PRKCB: variants seen among roughly 807,000 people sequenced by gnomAD.
PRKCB encodes the protein protein kinase C beta, also known as protein kinase C beta type.
In PRKCB, 13 loss-of-function variants were observed where a neutral mutation model predicts 81.5. The ratio of observed to expected loss-of-function variants is 0.16; its 90% CI spans 0.10 to 0.25. The LOEUF (loss-of-function observed/expected upper bound fraction) is 0.25. Ranked by LOEUF, PRKCB falls within the 10% of genes least tolerant of loss-of-function variation. PRKCB has a pLI of 1.00. For synonymous variants in PRKCB, 335 were observed against 321.4 expected (o/e 1.04, Z -0.45); for missense variants, 509 against 875.7 (o/e 0.58, Z 5.29).
At chr16:24,153,034 C>T (rs1194496160) in intron 9 of PRKCB, among the ~76,000 whole-genome samples, 2 of 152,158 alleles carry the variant, frequency 1.3e-5, no homozygotes, top group African/African-American at 4.8e-5. Flanking sequence ...GCAAGCTCAG[C>T]TCGGAAGCTT....
At chr16:24,141,883 T>A (rs1314030036) in intron 9 of PRKCB, among the ~76,000 whole-genome samples, 2 of 152,224 alleles carry the variant, frequency 1.3e-5, no homozygotes, top group Non-Finnish European at 2.9e-5. Context: ...CATTGGTCGA[T>A]TGCTCTGATT....
chr16:24,219,956 G>C lies in PRKCB; in HGVS notation c.*5140G>C, dbSNP rs1290052640. The C allele has an allele frequency of 6.2e-7, 1 of 1,613,592 alleles. No homozygotes were observed. The highest frequency in any genetic ancestry group is 8.5e-7 in the Non-Finnish European group (1 of 1,179,898). ...GTGTTAATGTGTTTACTTTCCATTT[G>C]GCAGAGAGACAAGAGAGACACCTCC... is the stretch of plus-strand genomic sequence containing the variant. On this transcript the variant is annotated 3_prime_UTR_variant, in exon 17 of 17. Transcript: ENST00000643927.
chr16:24,115,704 T>G lies in PRKCB; in HGVS notation c.918+2635T>G, dbSNP rs1442810063. Among the ~76,000 whole-genome samples the G allele has an allele frequency of 2.6e-5, 4 of 152,078 alleles. No individual in the cohort carries two copies. The East Asian group carries it at 7.7e-4, about 29-fold the overall frequency. ...TCCCAAGAGCATTTACCCAAGAGCA[T>G]TTATCCCAAGGATTTTGTTTTGTTT... On this transcript the variant is annotated intron_variant, in intron 8 of 16. Coordinates refer to ENST00000643927, the MANE Select transcript of PRKCB (RefSeq NM_002738.7).
At chr16:23,924,297 A>G (rs1205744270) in intron 2 of PRKCB, among the ~76,000 whole-genome samples, 1 of 152,032 alleles carries the variant, frequency 6.6e-6, no homozygotes, top group Non-Finnish European at 1.5e-5. Flanking sequence ...AGGCCTCCCC[A>G]ACCATGCGGA....
At chr16:24,105,544 C>G (rs1226056836) in intron 7 of PRKCB, among the ~76,000 whole-genome samples, 3 of 152,122 alleles carry the variant, frequency 2.0e-5, no homozygotes, top group East Asian at 1.9e-4. Context: ...CCCCTCACCC[C>G]CTAACAGGCC....
chr16:24,136,122 A>G (rs1966864020), intron 9 of PRKCB, among the ~76,000 whole-genome samples: 1 of 139,462 alleles, frequency 7.2e-6, no homozygotes, highest in East Asian at 2.1e-4. Flanking sequence ...TTGCCAACTC[A>G]TCTTCCCAGA....
intron 2 of PRKCB, among the ~76,000 whole-genome samples, chr16:23,980,094 T>C (rs951355153): frequency 6.6e-6 from 1 of 152,138 alleles, no homozygotes; most frequent in African/African-American, 2.4e-5. Context: ...CTATAAAAGA[T>C]ATAATGAGAA....
chr16:24,112,611 T>C (rs934321988), intron 7 of PRKCB, among the ~76,000 whole-genome samples: 1 of 152,154 alleles, frequency 6.6e-6, no homozygotes, highest in Non-Finnish European at 1.5e-5. Flanking sequence ...TCTTTCAGAA[T>C]AAGAAACTAC....
At chr16:24,182,496 G>C (rs989365964) in intron 13 of PRKCB, among the ~76,000 whole-genome samples, 1 of 152,074 alleles carries the variant, frequency 6.6e-6, no homozygotes, top group Non-Finnish European at 1.5e-5. Flanking sequence ...ACCCCACCCT[G>C]GGCGACTGAG....
chr16:24,050,026 C>G (rs1402580448), intron 5 of PRKCB, among the ~76,000 whole-genome samples: 1 of 152,060 alleles, frequency 6.6e-6, no homozygotes, highest in Non-Finnish European at 1.5e-5. Context: ...GTAGGGGATC[C>G]AAGAAGCCAA....
At chr16:24,212,559 C>G (rs1968160379) in intron 16 of PRKCB, among the ~76,000 whole-genome samples, 1 of 149,334 alleles carries the variant, frequency 6.7e-6, no homozygotes, top group African/African-American at 2.5e-5. Context: ...TCACTGCAAC[C>G]TCTACCTCGC....
intron 2 of PRKCB, among the ~76,000 whole-genome samples, chr16:23,956,979 T>TAAAAAAAA (rs10714409): frequency 3.7e-4 from 17 of 45,976 alleles, no homozygotes; most frequent in African/African-American, 1.3e-3. Flanking sequence ...CTATAGGCAG[T>TAAAAAAAA]AAAAAAAAAA....
rs561415626 is a variant in PRKCB at position 23,964,713 on chromosome 16, G to C, written c.206-23795G>C. Among the ~76,000 whole-genome samples, 53 of 148,318 alleles carry C rather than the reference G, an allele frequency of 3.6e-4. 1 individual carries two copies. In the East Asian group the frequency reaches 7.3e-3, roughly 20 times the overall value. On this transcript the variant is annotated intron_variant, in intron 2 of 16. Transcript: ENST00000643927. ...TTTGGCAGTCTTGCTCTGTCTCCCA[G>C]GCTGGACTGCAGTGTCGCGATCTCA...
chr16:23,915,002 C>A lies in PRKCB; in HGVS notation c.206-73506C>A, dbSNP rs142345967. Among the ~76,000 whole-genome samples, 143 of 152,306 alleles carry A rather than the reference C, an allele frequency of 9.4e-4. 3 individuals are homozygous for A. In the Middle Eastern group the frequency reaches 0.01, roughly 11 times the overall value. On this transcript the variant is annotated intron_variant, in intron 2 of 16. Transcript: ENST00000643927. ...AACAAGATGGATGGGGGCTGTGAAG[C>A]CCCTCTGGGCAGCCTTTTCTGGCTG...
chr16:24,088,911 C>A (rs994737004), intron 5 of PRKCB, among the ~76,000 whole-genome samples: 5 of 151,994 alleles, frequency 3.3e-5, no homozygotes, highest in Admixed American at 2.0e-4. Context: ...GGGGGAGTGG[C>A]CTTGCCAGGG....
intron 1 of PRKCB, among the ~76,000 whole-genome samples, chr16:23,836,922 A>G (rs1962172196): frequency 6.6e-6 from 1 of 150,652 alleles, no homozygotes; most frequent in Non-Finnish European, 1.5e-5. Flanking sequence ...CGGTCACATC[A>G]CTGCGGGCCC....
intron 9 of PRKCB, 61 bp from the exon 10 acceptor site, chr16:24,154,623 T>C (rs1967127977): frequency 2.6e-6 from 4 of 1,541,420 alleles, no homozygotes; most frequent in African/African-American, 2.7e-5. Flanking sequence ...GAACACCAGC[T>C]GCTCATAACT....
At chr16:24,029,239 G>T (rs1011494374) in intron 3 of PRKCB, among the ~76,000 whole-genome samples, 4 of 152,212 alleles carry the variant, frequency 2.6e-5, no homozygotes, top group African/African-American at 9.6e-5. Flanking sequence ...GTTAGGCTTT[G>T]TGTCCCCACC....
At chr16:23,872,837 T>C (rs550521188) in intron 2 of PRKCB, among the ~76,000 whole-genome samples, 67 of 151,876 alleles carry the variant, frequency 4.4e-4, no homozygotes, top group Non-Finnish European at 7.6e-4. Context: ...CATGTGTGAT[T>C]GAAGAGCAGG....
Sources: gnomAD v4.1 joint callset for allele counts (sites outside exome capture counted in the v4.1 genomes callset) on GRCh38, gnomAD v4.1.1 for gene constraint, MANE v1.5 for transcripts, NCBI Gene and HGNC (gene_info 2026-07-23, HGNC 2026-07-21) for gene names.